SLC4A4: variants seen among roughly 807,000 people sequenced by gnomAD.
The protein encoded by SLC4A4 is solute carrier family 4 member 4.
In SLC4A4, 27 loss-of-function variants were observed where a neutral mutation model predicts 111.5. The observed-to-expected ratio is 0.24, with a 90% CI of 0.18 to 0.33. The LOEUF (loss-of-function observed/expected upper bound fraction) is 0.33. Ranked by LOEUF, SLC4A4 falls within the 10% of genes least tolerant of loss-of-function variation. The pLI, the probability that SLC4A4 is intolerant of heterozygous loss-of-function variation, is 1.00. For missense variants in SLC4A4, 909 were observed against 1,315.5 expected (o/e 0.69, Z 4.78); for synonymous variants, 443 against 463.4 (o/e 0.96, Z 0.57).
intron 2 of SLC4A4, among the ~76,000 whole-genome samples, chr4:71,096,225 G>A (rs1742546112): frequency 6.6e-6 from 1 of 152,160 alleles, no homozygotes; most frequent in Non-Finnish European, 1.5e-5. Flanking sequence ...TTAGTTTAGG[G>A]TTAAATTCTC....
intron 16 of SLC4A4, among the ~76,000 whole-genome samples, chr4:71,528,939 TTTC>T (rs1377573958): frequency 5.3e-5 from 8 of 152,136 alleles, no homozygotes; most frequent in Non-Finnish European, 7.4e-5. Context: ...TGAAAAACAT[TTTC>T]TTTTTTCATT....
chr4:71,352,232 T>G (rs1475456496), intron 5 of SLC4A4, among the ~76,000 whole-genome samples: 1 of 152,142 alleles, frequency 6.6e-6, no homozygotes, highest in African/African-American at 2.4e-5. Context: ...AGCAAAGATG[T>G]CAAAAATTAC....
chr4:71,373,227 A>G (rs868716270), intron 6 of SLC4A4, among the ~76,000 whole-genome samples: 1 of 152,206 alleles, frequency 6.6e-6, no homozygotes, highest in Non-Finnish European at 1.5e-5. Flanking sequence ...AAACTCACAA[A>G]TAACAATCAT....
intron 5 of SLC4A4, among the ~76,000 whole-genome samples, chr4:71,351,988 A>G (rs1029092007): frequency 3.3e-5 from 5 of 152,208 alleles, no homozygotes; most frequent in African/African-American, 1.2e-4. Flanking sequence ...GAAATCTGAT[A>G]TATGAGAAGA....
intron 5 of SLC4A4, among the ~76,000 whole-genome samples, chr4:71,352,086 C>T (rs1044758239): frequency 6.6e-6 from 1 of 152,078 alleles, no homozygotes; most frequent in Non-Finnish European, 1.5e-5. Context: ...GCCATCTGTT[C>T]CATTGTCTTT....
At chr4:71,163,998 C>G (rs1019568534) in intron 2 of SLC4A4, among the ~76,000 whole-genome samples, 18 of 152,250 alleles carry the variant, frequency 1.2e-4, no homozygotes, top group Admixed American at 1.1e-3. Context: ...ATAATCCCAG[C>G]ATTTTGGGAG....
chr4:71,281,086 G>C (rs1723478056), intron 3 of SLC4A4, among the ~76,000 whole-genome samples: 1 of 152,192 alleles, frequency 6.6e-6, no homozygotes, highest in Non-Finnish European at 1.5e-5. Flanking sequence ...ATTTCAGGCA[G>C]AGCAGGTATC....
chr4:71,341,244 A>G (rs1429635655), intron 4 of SLC4A4, among the ~76,000 whole-genome samples: 3 of 152,174 alleles, frequency 2.0e-5, no homozygotes, highest in South Asian at 2.1e-4. Context: ...ATAGATCTCT[A>G]TCTTATTAAA....
At chr4:71,492,379 C>T (rs1006995666) in intron 15 of SLC4A4, among the ~76,000 whole-genome samples, 9 of 151,728 alleles carry the variant, frequency 5.9e-5, no homozygotes, top group Non-Finnish European at 8.8e-5. Flanking sequence ...TTCAGAACTG[C>T]GAGCAGATCC....
intron 3 of SLC4A4, among the ~76,000 whole-genome samples, chr4:71,305,480 G>A (rs889743286): frequency 6.6e-6 from 1 of 152,176 alleles, no homozygotes; most frequent in Non-Finnish European, 1.5e-5. Context: ...GCATAAAGAT[G>A]AAATGTGAGC....
intron 1 of SLC4A4, among the ~76,000 whole-genome samples, chr4:71,065,390 G>T (rs1293880728): frequency 1.4e-5 from 2 of 139,648 alleles, no homozygotes; most frequent in African/African-American, 4.9e-5. Context: ...AATATATGTT[G>T]TGAATTATTG....
At chr4:71,463,259 T>C (rs774428306) in intron 12 of SLC4A4, among the ~76,000 whole-genome samples, 4 of 152,200 alleles carry the variant, frequency 2.6e-5, no homozygotes, top group Non-Finnish European at 5.9e-5. Flanking sequence ...TTATGAGTTA[T>C]GGCTTTTAAA....
chr4:71,130,147 T>C (rs1212113632), intron 2 of SLC4A4, among the ~76,000 whole-genome samples: 1 of 152,200 alleles, frequency 6.6e-6, no homozygotes, highest in Admixed American at 6.5e-5. Flanking sequence ...AAGTTAAAAA[T>C]GAATCCTCTT....
intron 2 of SLC4A4, among the ~76,000 whole-genome samples, chr4:71,116,341 G>A (rs1385609978): frequency 6.6e-6 from 1 of 152,106 alleles, no homozygotes; most frequent in Admixed American, 6.5e-5. Context: ...GTTTTTGTTT[G>A]CTTTTATTAT....
chr4:71,143,958 C>T (rs1241635433), intron 2 of SLC4A4, among the ~76,000 whole-genome samples: 1 of 152,176 alleles, frequency 6.6e-6, no homozygotes, highest in Admixed American at 6.5e-5. Flanking sequence ...TAATTAGATC[C>T]CATTTGTCAA....
At chr4:71,396,860 C>T (rs954637002) in intron 6 of SLC4A4, among the ~76,000 whole-genome samples, 4 of 152,108 alleles carry the variant, frequency 2.6e-5, no homozygotes, top group African/African-American at 4.8e-5. Flanking sequence ...TGTAGTATTC[C>T]GATGACATCC....
chr4:71,453,869 C>T (rs1449482197), intron 12 of SLC4A4, among the ~76,000 whole-genome samples, 200 bp downstream of exon 12: 1 of 152,150 alleles, frequency 6.6e-6, no homozygotes, highest in African/African-American at 2.4e-5. Flanking sequence ...TCGATGAAAT[C>T]TGGCTTGAGT....
intron 7 of SLC4A4, among the ~76,000 whole-genome samples, chr4:71,432,111 T>G (rs907922216): frequency 2.6e-5 from 4 of 152,142 alleles, no homozygotes; most frequent in African/African-American, 7.2e-5. Context: ...GGAAGTCTTG[T>G]GCTGAGCTCT....
At chr4:71,526,855 C>T (rs1024376908) in intron 16 of SLC4A4, among the ~76,000 whole-genome samples, 1 of 152,078 alleles carries the variant, frequency 6.6e-6, no homozygotes, top group Non-Finnish European at 1.5e-5. Flanking sequence ...TTCTTTGGCT[C>T]ATGACTCTTT....
Sources: allele counts gnomAD v4.1 joint callset (sites outside exome capture counted in the v4.1 genomes callset), GRCh38; gene constraint gnomAD v4.1.1; transcripts MANE v1.5; gene names NCBI Gene and HGNC (gene_info 2026-07-23, HGNC 2026-07-21).